The following DNAH17 variants were observed in gnomAD, a reference collection of about 807,000 sequenced individuals.
DNAH17 encodes the protein dynein axonemal heavy chain 17.
A neutral mutation model predicts 485.6 loss-of-function variants in DNAH17; 376 were observed. That is an observed-to-expected ratio of 0.77 (90% CI 0.71 to 0.84). The LOEUF is 0.84. Ranked by LOEUF, DNAH17 falls within the 40% of genes least tolerant of loss-of-function variation. The pLI, the probability that DNAH17 is intolerant of heterozygous loss-of-function variation, is 0.00. For missense variants in DNAH17, 6,370 were observed against 5,839.3 expected (o/e 1.09, Z -2.96); for synonymous variants, 3,031 against 2,405.9 (o/e 1.26, Z -7.60).
intron 16 of DNAH17, among the ~76,000 whole-genome samples, chr17:78,545,385 G>T (rs763781137): frequency 6.6e-6 from 1 of 152,174 alleles, no homozygotes; most frequent in Non-Finnish European, 1.5e-5. Flanking sequence ...TTAAGCAACA[G>T]ACATTTCTCA....
chr17:78,557,484 C>T (rs2092050315), intron 14 of DNAH17, among the ~76,000 whole-genome samples: 1 of 151,540 alleles, frequency 6.6e-6, no homozygotes, highest in Non-Finnish European at 1.5e-5. Flanking sequence ...TGTATTTTTA[C>T]TACCACCAGC....
chr17:78,485,944 C>T lies in DNAH17; in HGVS notation c.7275+16G>A, dbSNP rs755900601. On this transcript the variant is annotated intron_variant, in intron 46 of 80. Coordinates refer to ENST00000389840, the MANE Select transcript of DNAH17 (RefSeq NM_173628.4). ...TCTAAATCACCAGTCGGTGGCCCTG[C>T]TTTGGGGACAGTTACCTGCAGTGGG... is the stretch of plus-strand genomic sequence containing the variant. 7 of 1,609,352 alleles carry T rather than the reference C, an allele frequency of 4.3e-6. No homozygotes were observed. The highest frequency in any genetic ancestry group is 5.1e-6 in the Non-Finnish European group (6 of 1,178,662).
At chr17:78,566,546 T>C in intron 11 of DNAH17, 68 bp downstream of exon 11, 3 of 1,176,332 alleles carry the variant, frequency 2.6e-6, no homozygotes, top group Non-Finnish European at 3.7e-6. Context: ...TCCAAGATCG[T>C]TCTCGACATG....
intron 71 of DNAH17, among the ~76,000 whole-genome samples, chr17:78,443,358 C>G (rs921256357): frequency 6.6e-6 from 1 of 152,192 alleles, no homozygotes; most frequent in Non-Finnish European, 1.5e-5. Flanking sequence ...TCCTCCAGCT[C>G]TGACCCTGGG....
chr17:78,530,627 C>G, intron 20 of DNAH17, 115 bp from the exon 21 acceptor site: 1 of 1,290,468 alleles, frequency 7.7e-7, no homozygotes, highest in Non-Finnish European at 1.1e-6. Flanking sequence ...CACCTGCCGG[C>G]CACTCTGGGG....
intron 20 of DNAH17, among the ~76,000 whole-genome samples, chr17:78,531,315 C>T (rs1242644878): frequency 6.7e-6 from 1 of 148,764 alleles, no homozygotes; most frequent in Non-Finnish European, 1.5e-5. Context: ...TCTCGTTTTA[C>T]TGTTTGTGAC....
intron 14 of DNAH17, among the ~76,000 whole-genome samples, chr17:78,557,001 C>A (rs1485702837): frequency 2.0e-5 from 3 of 152,192 alleles, no homozygotes; most frequent in Non-Finnish European, 2.9e-5. Context: ...CCTCAACAAG[C>A]CCTGTGTTGC....
At chr17:78,544,176 T>C (rs2091685497) in intron 16 of DNAH17, among the ~76,000 whole-genome samples, 179 bp from the exon 17 acceptor site, 1 of 152,210 alleles carries the variant, frequency 6.6e-6, no homozygotes, top group African/African-American at 2.4e-5. Context: ...TAATTGACTG[T>C]TGACCAGAGA....
rs371654316 is a variant in DNAH17, at chr17:78,507,861, C to A, written c.4237-56G>T. 369 of 1,440,278 alleles carry A rather than the reference C, an allele frequency of 2.6e-4. No individual in the cohort carries two copies. In the African/African-American group the frequency reaches 4.7e-3, roughly 18 times the overall value. 89.2% of individuals were successfully genotyped at this position (1,440,278 alleles called of 1,614,324 possible). A position where few individuals can be genotyped will look rare whatever the true frequency, so the allele number is the denominator to read the frequency against. On this transcript the variant is annotated intron_variant, in intron 27 of 80. Coordinates refer to ENST00000389840, the MANE Select transcript of DNAH17 (RefSeq NM_173628.4). ...GAGCATTTGGCATGCAAAGCTCAGGCAGGACCCAGAGTTTCCAGGACATAG... is the reference window on the plus strand; with the variant it reads ...GAGCATTTGGCATGCAAAGCTCAGGAAGGACCCAGAGTTTCCAGGACATAG...
chr17:78,429,124 G>A lies in DNAH17; in HGVS notation c.12402C>T (p.Tyr4134=). Residue 4134 remains tyrosine, a synonymous_variant, in exon 76 of 81, where the codon TAC becomes TAT. Transcript: ENST00000389840. ...PGFQIPPNLD[Y]KGYHEYIDEN... ...CTGTTTAACTTGTCATCCTTACCTT[G>A]TAGTCCAGGTTGGGGGGGATCTGAA... 10 of 1,612,868 alleles carry A rather than the reference G, an allele frequency of 6.2e-6. No individual in the cohort carries two copies. Among genetic ancestry groups the A allele is most frequent in the Non-Finnish European group, 8.5e-6 (10 of 1,179,420 alleles).
At position 78,558,165 on chromosome 17, in the gene DNAH17, G is replaced by C. The variant is rs201170230; in HGVS notation, c.2121C>G (p.Asn707Lys). 1 of 1,613,728 alleles carries C rather than the reference G, an allele frequency of 6.2e-7. No individual in the cohort carries two copies. The highest frequency in any genetic ancestry group is 8.5e-7 in the Non-Finnish European group (1 of 1,179,794). ...PDSAESLFSE[N>K]ETFRKFVGNL... ...TGCCCACAAACTTCCGGAAAGTTTCGTTCTCTGAGAACAGACTCTCCGCAC... is the reference window on the plus strand; with the variant it reads ...TGCCCACAAACTTCCGGAAAGTTTCCTTCTCTGAGAACAGACTCTCCGCAC... Residue 707 changes from asparagine to lysine, a missense_variant, in exon 14 of 81, where the codon AAC (asparagine) becomes AAG (lysine). Coordinates refer to ENST00000389840, the MANE Select transcript of DNAH17 (RefSeq NM_173628.4).
At chr17:78,505,698 G>A (rs1356286315) in intron 30 of DNAH17, among the ~76,000 whole-genome samples, 1 of 152,220 alleles carries the variant, frequency 6.6e-6, no homozygotes, top group Non-Finnish European at 1.5e-5. Flanking sequence ...TTTCTTTTTG[G>A]TGGGGCATGG....
At chr17:78,519,416 C>T (rs2090877939) in intron 25 of DNAH17, among the ~76,000 whole-genome samples, 2 of 152,002 alleles carry the variant, frequency 1.3e-5, no homozygotes, top group African/African-American at 2.4e-5. Context: ...GCAAGATAAA[C>T]CCAAAGCAAA....
At chr17:78,485,496 C>G in intron 47 of DNAH17, 54 bp downstream of exon 47, 1 of 1,508,244 alleles carries the variant, frequency 6.6e-7, no homozygotes, top group South Asian at 1.3e-5. Flanking sequence ...CAGGAGGGAA[C>G]GGGGACTGGC....
intron 54 of DNAH17, 103 bp from the exon 55 acceptor site, chr17:78,468,986 C>T (rs182237247): frequency 5.5e-5 from 77 of 1,404,070 alleles, no homozygotes; most frequent in African/African-American, 4.3e-4. Flanking sequence ...TTCTTTGAGA[C>T]GGAGTCTCGC....
In DNAH17 at chr17:78,476,338, C is replaced by A. The variant is rs677647; in HGVS notation, c.8154+234G>T. Among the ~76,000 whole-genome samples the A allele has an allele frequency of 3.1e-3, 264 of 85,918 alleles. 3 individuals carry two copies. Among genetic ancestry groups the A allele is most frequent in the African/African-American group, 0.015 (243 of 15,688 alleles). 56.4% of individuals were successfully genotyped at this position (85,918 alleles called of 152,430 possible). A position where few individuals can be genotyped will look rare whatever the true frequency, so the allele number is the denominator to read the frequency against. On this transcript the variant is annotated intron_variant, in intron 52 of 80. Transcript: ENST00000389840. ...CGTGGAACCCTCGGACCCACAGCCA[C>A]GTGCCGGAGTTATCGCGTGGAACCC...
In DNAH17 at chr17:78,462,879, T is replaced by C; in HGVS notation, c.9139A>G (p.Asn3047Asp). The C allele has an allele frequency of 6.2e-7, 1 of 1,613,954 alleles. No homozygotes were observed. The highest frequency in any genetic ancestry group is 8.5e-7 in the Non-Finnish European group (1 of 1,179,878). Residue 3047 changes from asparagine to aspartate, a missense_variant, in exon 57 of 81, where the codon AAC becomes GAC. Transcript: ENST00000389840. The part of the protein sequence containing the change: ...ELVAKIERLE[N>D]GLMKLQSTAS... Reference sequence around the variant, plus strand: ...GTGCTCTGCAGCTTCATCAGGCCGTTCTCCAGCCTCTCGATTTTGGCAACA... The same window carrying C: ...GTGCTCTGCAGCTTCATCAGGCCGTCCTCCAGCCTCTCGATTTTGGCAACA...
rs1284205122 is a variant in DNAH17, at chr17:78,441,108, A to G, written c.11620T>C (p.Ser3874Pro). Reference sequence around the variant, plus strand: ...CCCGGGGAGAGGATGAAGAAGATTGACGTGGAGGGGCTGCTCTCCTCGTAG... The same window carrying G: ...CCCGGGGAGAGGATGAAGAAGATTGGCGTGGAGGGGCTGCTCTCCTCGTAG... ...KSYEESSPST[S>P]IFFILSPGVD... The change falls in exon 72 of 81, where the codon TCA becomes CCA. Residue 3874 changes from serine (S) to proline (P), a missense_variant. Coordinates refer to ENST00000389840, the MANE Select transcript of DNAH17 (RefSeq NM_173628.4). 1.2e-6 allele frequency: 2 copies of G among 1,613,652 alleles called. No individual in the cohort carries two copies. Among genetic ancestry groups the G allele is most frequent in the Non-Finnish European group, 8.5e-7 (1 of 1,179,770 alleles).
chr17:78,511,351 G>A lies in DNAH17; in HGVS notation c.4114-845C>T, dbSNP rs547134829. ...TCAAACTCCTGAACTCAGATGATCCGCCTGCCTCAGCCTCCCAAAGTGCTG... is the reference window on the plus strand; with the variant it reads ...TCAAACTCCTGAACTCAGATGATCCACCTGCCTCAGCCTCCCAAAGTGCTG... On this transcript the variant is annotated intron_variant, in intron 26 of 80. Coordinates refer to ENST00000389840, the MANE Select transcript of DNAH17 (RefSeq NM_173628.4). 3.3e-3 allele frequency among the ~76,000 whole-genome samples: 509 copies of A among 152,164 alleles called. 2 individuals carry two copies. The highest frequency in any genetic ancestry group is 0.012 in the African/African-American group (486 of 41,502).
Sources: allele counts gnomAD v4.1 joint callset (sites outside exome capture counted in the v4.1 genomes callset), GRCh38; gene constraint gnomAD v4.1.1; transcripts MANE v1.5; gene names NCBI Gene and HGNC (gene_info 2026-07-23, HGNC 2026-07-21).